PLCZ1: variants seen among roughly 807,000 people sequenced by gnomAD.
PLCZ1 encodes the protein 1-phosphatidylinositol 4,5-bisphosphate phosphodiesterase zeta-1.
A neutral mutation model predicts 76.8 loss-of-function variants in PLCZ1; 64 were observed. That is an observed-to-expected ratio of 0.83 (90% CI 0.68 to 1.03). The LOEUF (loss-of-function observed/expected upper bound fraction) is 1.03. PLCZ1 is among the 50% of genes least tolerant of loss of function. The probability of loss-of-function intolerance (pLI) is 0.00; values close to 1 mark genes in which losing one functional copy is unlikely to be tolerated. For synonymous variants in PLCZ1, 248 were observed against 230.8 expected, an observed-to-expected ratio of 1.07 and a Z score of -0.68; for missense variants, 751 against 713.7, an observed-to-expected ratio of 1.05 and a Z score of -0.60.
chr12:18,713,096 A>G (rs1957534139), intron 5 of PLCZ1, 110 bp from the exon 6 acceptor site: 1 of 1,401,804 alleles, frequency 7.1e-7, no homozygotes, highest in Non-Finnish European at 9.8e-7. Flanking sequence ...TGCATAAATG[A>G]GTCCATAAAA....
the PLCZ1 span, among the ~76,000 whole-genome samples, chr12:18,646,671 C>T: frequency 2.6e-5 from 4 of 152,092 alleles, no homozygotes; most frequent in Non-Finnish European, 5.9e-5. Context: ...TATCTTGTGA[C>T]TTGGCTGTAA....
chr12:18,736,888 C>G (rs1451547749), intron 2 of PLCZ1: 3 of 414,910 alleles, frequency 7.2e-6, no homozygotes, highest in African/African-American at 6.1e-5. Context: ...TACACACACA[C>G]TCAAGACAGT....
intron 5 of PLCZ1, among the ~76,000 whole-genome samples, chr12:18,717,780 G>T (rs995351172): frequency 6.6e-6 from 1 of 152,046 alleles, no homozygotes. Context: ...AGTCATGTTG[G>T]CTATACCTCC....
At chr12:18,721,367 A>G (rs961458018) in intron 4 of PLCZ1, among the ~76,000 whole-genome samples, 2 of 152,090 alleles carry the variant, frequency 1.3e-5, no homozygotes, top group Non-Finnish European at 2.9e-5. Context: ...ATAAGACACC[A>G]AAGTGATCAA....
chr12:18,717,377 G>A (rs1958107080), intron 5 of PLCZ1, among the ~76,000 whole-genome samples: 1 of 152,086 alleles, frequency 6.6e-6, no homozygotes, highest in African/African-American at 2.4e-5. Context: ...TGAAATTAGA[G>A]AAGCAGCAAT....
chr12:18,723,235 T>C, intron 4 of PLCZ1, 76 bp downstream of exon 4: 1 of 1,313,870 alleles, frequency 7.6e-7, no homozygotes, highest in Non-Finnish European at 1.1e-6. Context: ...AATACTTTGC[T>C]TTGAAATAAT....
Position 18,737,481 on chromosome 12 carries a change from C to G in PLCZ1, c.-110G>C. ...TCTGCCCCTTTGCAGAAAATAATTTCTTGATACTCATCAGCTGTTACCACT... is the reference window on the plus strand; with the variant it reads ...TCTGCCCCTTTGCAGAAAATAATTTGTTGATACTCATCAGCTGTTACCACT... On this transcript the variant is annotated 5_prime_UTR_variant, in exon 2 of 15. Coordinates refer to ENST00000266505, the MANE Select transcript of PLCZ1 (RefSeq NM_033123.4). 1 of 1,455,062 alleles carries G rather than the reference C, an allele frequency of 6.9e-7. No homozygotes were observed. The allele number at this position is 1,455,062 out of a possible 1,614,324, so 90.1% of individuals were successfully genotyped here.
chr12:18,670,905 G>T, the PLCZ1 span, among the ~76,000 whole-genome samples: 1 of 152,040 alleles, frequency 6.6e-6, no homozygotes, highest in African/African-American at 2.4e-5. Flanking sequence ...AGTTTCGGCC[G>T]GGCACAGTGG....
the PLCZ1 span, among the ~76,000 whole-genome samples, chr12:18,670,743 C>T: frequency 3.3e-5 from 5 of 152,088 alleles, no homozygotes; most frequent in Non-Finnish European, 5.9e-5. Flanking sequence ...TTTACTTTAT[C>T]ATCCTGAACT....
intron 10 of PLCZ1, 90 bp downstream of exon 10, chr12:18,699,704 A>G (rs1382146491): frequency 4.5e-6 from 6 of 1,327,012 alleles, no homozygotes; most frequent in Non-Finnish European, 5.4e-6. Context: ...GAGAATATAC[A>G]TTTTATAAAT....
intron 3 of PLCZ1, among the ~76,000 whole-genome samples, chr12:18,728,005 A>G (rs1267424479): frequency 6.6e-6 from 1 of 152,190 alleles, no homozygotes; most frequent in Non-Finnish European, 1.5e-5. Flanking sequence ...CTGCTTAGAT[A>G]ACTGAGAATG....
chr12:18,711,868 T>C (rs1043749955), intron 6 of PLCZ1, among the ~76,000 whole-genome samples: 1 of 152,052 alleles, frequency 6.6e-6, no homozygotes, highest in African/African-American at 2.4e-5. Context: ...ACTACATGTT[T>C]AGGAGAATCA....
At chr12:18,657,020 T>C in the PLCZ1 span, among the ~76,000 whole-genome samples, 1 of 152,070 alleles carries the variant, frequency 6.6e-6, no homozygotes, top group South Asian at 2.1e-4. Flanking sequence ...ATAGATCTCA[T>C]TCTGACCACA....
chr12:18,701,616 TCC>T (rs1955934244), intron 8 of PLCZ1, 48 bp from the exon 9 acceptor site: 3 of 238,320 alleles, frequency 1.3e-5, no homozygotes, highest in Non-Finnish European at 1.5e-5. Flanking sequence ...ATCCTCCTCC[TCC>T]TCCTCCTCCT....
intron 1 of PLCZ1, 86 bp from the exon 2 acceptor site, chr12:18,737,595 C>T (rs1959524453): frequency 4.5e-6 from 3 of 668,480 alleles, no homozygotes. Context: ...AAACAGTATG[C>T]AAGATGTGGT....
intron 10 of PLCZ1, among the ~76,000 whole-genome samples, chr12:18,697,533 A>T (rs1328461631): frequency 6.6e-6 from 1 of 152,138 alleles, no homozygotes; most frequent in African/African-American, 2.4e-5. Flanking sequence ...TATTTCTGAG[A>T]TTAACCTTTA....
the PLCZ1 span, among the ~76,000 whole-genome samples, chr12:18,669,746 C>T: frequency 6.6e-6 from 1 of 152,134 alleles, no homozygotes; most frequent in South Asian, 2.1e-4. Context: ...CAACCTCCGC[C>T]TCCTGGGTTC....
At chr12:18,716,207 G>C (rs1359447352) in intron 5 of PLCZ1, among the ~76,000 whole-genome samples, 1 of 151,870 alleles carries the variant, frequency 6.6e-6, no homozygotes, top group Non-Finnish European at 1.5e-5. Context: ...GAGTTCTCTG[G>C]AGTGCTGCCA....
chr12:18,705,189 G>A lies in PLCZ1; in HGVS notation c.841C>T (p.Pro281Ser). Residue 281 changes from proline to serine, a missense_variant, in exon 7 of 15, where the codon CCT becomes TCT. Coordinates refer to ENST00000266505, the MANE Select transcript of PLCZ1 (RefSeq NM_033123.4). ...ACCTCTGGTGATGGTAGAGTATCAG[G>A]AAAATCATCAAGCATATCAGAAAGC... ...SLLSDMLDDF[P>S]DTLPSPEALK... is the part of the protein sequence containing the mutation. 3 of 1,614,028 alleles carry A rather than the reference G, an allele frequency of 1.9e-6. No homozygotes were observed. The highest frequency in any genetic ancestry group is 1.7e-5 in the Admixed American group (1 of 60,002).
Sources: gnomAD v4.1 joint callset for allele counts (sites outside exome capture counted in the v4.1 genomes callset) on GRCh38, gnomAD v4.1.1 for gene constraint, MANE v1.5 for transcripts, NCBI Gene and HGNC (gene_info 2026-07-23, HGNC 2026-07-21) for gene names.